Variants in TRPM3 observed in about 807,000 individuals in gnomAD.
TRPM3 encodes the protein transient receptor potential cation channel subfamily M member 3.
Under a neutral mutation model 181.2 loss-of-function variants are expected in TRPM3, and 77 were observed. The observed-to-expected ratio is 0.42, with a 90% CI of 0.35 to 0.51. The LOEUF (loss-of-function observed/expected upper bound fraction) is 0.51, where lower values mean the gene tolerates loss of function less well. Among genes scored for constraint, TRPM3 ranks in the 20% least tolerant of loss-of-function variants. The pLI is 0.01. For missense variants in TRPM3, 1,759 were observed against 2,196.7 expected, an observed-to-expected ratio of 0.80 and a Z score of 3.98; for synonymous variants, 745 against 796.4, an observed-to-expected ratio of 0.94 and a Z score of 1.09.
At chr9:70,892,757 ATACTT>A (rs1427701387) in intron 1 of TRPM3, among the ~76,000 whole-genome samples, 1 of 152,200 alleles carries the variant, frequency 6.6e-6, no homozygotes, top group Non-Finnish European at 1.5e-5. Flanking sequence ...TTCTCAATCA[ATACTT>A]TAATGTATGT....
At chr9:70,906,893 A>G (rs1247943676) in intron 1 of TRPM3, among the ~76,000 whole-genome samples, 1 of 152,176 alleles carries the variant, frequency 6.6e-6, no homozygotes, top group Non-Finnish European at 1.5e-5. Flanking sequence ...ACAAGAGTGA[A>G]ACTCCATCTA....
intron 1 of TRPM3, among the ~76,000 whole-genome samples, chr9:70,931,680 C>T (rs1337012): frequency 0.16 from 23,942 of 151,720 alleles, 2,707 homozygotes; most frequent in African/African-American, 0.32. Flanking sequence ...AGATATTTTC[C>T]CCAAATGACA....
chr9:71,131,432 C>T (rs937551877), intron 1 of TRPM3, among the ~76,000 whole-genome samples: 15 of 152,240 alleles, frequency 9.9e-5, no homozygotes, highest in Admixed American at 4.6e-4. Context: ...CCTTAATCTA[C>T]GAATGGAATG....
At chr9:71,354,176 C>T (rs529943418) in intron 1 of TRPM3, among the ~76,000 whole-genome samples, 1 of 152,324 alleles carries the variant, frequency 6.6e-6, no homozygotes, top group African/African-American at 2.4e-5. Flanking sequence ...ACTGTCAACC[C>T]TCACTCCCCA....
At chr9:71,373,828 G>T (rs1480203488) in intron 1 of TRPM3, among the ~76,000 whole-genome samples, 1 of 152,054 alleles carries the variant, frequency 6.6e-6, no homozygotes, top group Non-Finnish European at 1.5e-5. Context: ...CAACAAAAAA[G>T]CAAACTTCAG....
At chr9:70,853,144 T>A (rs1048550078) in intron 3 of TRPM3, among the ~76,000 whole-genome samples, 1 of 152,204 alleles carries the variant, frequency 6.6e-6, no homozygotes, top group Non-Finnish European at 1.5e-5. Flanking sequence ...TTGGCAATCA[T>A]GGGACTCTTC....
At chr9:70,893,722 G>A (rs901187872) in intron 1 of TRPM3, among the ~76,000 whole-genome samples, 5 of 152,104 alleles carry the variant, frequency 3.3e-5, no homozygotes, top group Admixed American at 6.5e-5. Context: ...AACACGTGGC[G>A]AGATTAAAGG....
chr9:71,412,451 C>T (rs1464487466), intron 1 of TRPM3, among the ~76,000 whole-genome samples: 2 of 152,090 alleles, frequency 1.3e-5, no homozygotes, highest in African/African-American at 4.8e-5. Context: ...GATATGAACA[C>T]ACACTTCTCA....
chr9:71,092,559 T>G (rs1565176916), intron 1 of TRPM3, among the ~76,000 whole-genome samples: 1 of 152,120 alleles, frequency 6.6e-6, no homozygotes, highest in Non-Finnish European at 1.5e-5. Flanking sequence ...AGGAAGGTAT[T>G]TACCAACAAT....
At chr9:70,755,879 G>A (rs1027656048) in intron 8 of TRPM3, among the ~76,000 whole-genome samples, 1 of 152,140 alleles carries the variant, frequency 6.6e-6, no homozygotes, top group African/African-American at 2.4e-5. Context: ...ATACCAAATT[G>A]TAAAGACCTA....
chr9:70,863,157 T>C (rs771760720), intron 2 of TRPM3, 45 bp from the exon 3 acceptor site: 5 of 1,559,208 alleles, frequency 3.2e-6, no homozygotes, highest in Middle Eastern at 3.6e-4. Flanking sequence ...TTAGTCACTA[T>C]TGGGATACAC....
At chr9:70,921,970 C>CAT (rs2096661568) in intron 1 of TRPM3, among the ~76,000 whole-genome samples, 1 of 151,694 alleles carries the variant, frequency 6.6e-6, no homozygotes, top group South Asian at 2.1e-4. Flanking sequence ...CACACACACA[C>CAT]ACACATATAG....
chr9:70,564,163 T>C (rs527771885), intron 22 of TRPM3, among the ~76,000 whole-genome samples: 1 of 152,310 alleles, frequency 6.6e-6, no homozygotes, highest in South Asian at 2.1e-4. Context: ...GCTTGCCTCA[T>C]CATCATCATT....
intron 1 of TRPM3, among the ~76,000 whole-genome samples, chr9:71,053,012 T>C (rs979542307): frequency 7.0e-6 from 1 of 142,160 alleles, no homozygotes; most frequent in African/African-American, 2.6e-5. Context: ...TGGATCTCAG[T>C]AACTCTTTTG....
At chr9:70,616,649 C>T (rs1288842366) in intron 17 of TRPM3, among the ~76,000 whole-genome samples, 1 of 151,084 alleles carries the variant, frequency 6.6e-6, no homozygotes, top group East Asian at 1.9e-4. Context: ...CATTTTAGGG[C>T]ATCTTCCTGG....
chr9:71,369,830 C>A (rs116006317), intron 1 of TRPM3, among the ~76,000 whole-genome samples: 1 of 152,190 alleles, frequency 6.6e-6, no homozygotes, highest in Admixed American at 6.5e-5. Flanking sequence ...ATGGACAATG[C>A]GCTTCTCACA....
At chr9:71,203,646 C>T (rs1161292852) in intron 1 of TRPM3, among the ~76,000 whole-genome samples, 2 of 152,080 alleles carry the variant, frequency 1.3e-5, no homozygotes, top group Non-Finnish European at 2.9e-5. Context: ...TCTGAATTTC[C>T]TCATCTATAA....
intron 1 of TRPM3, among the ~76,000 whole-genome samples, chr9:71,096,360 G>T (rs1018331905): frequency 2.1e-4 from 31 of 150,230 alleles, no homozygotes; most frequent in African/African-American, 6.9e-4. Flanking sequence ...AGGTAATCAT[G>T]TCCATGGTTA....
intron 1 of TRPM3, among the ~76,000 whole-genome samples, chr9:71,086,365 T>A (rs1023656442): frequency 2.0e-5 from 3 of 151,932 alleles, no homozygotes; most frequent in Non-Finnish European, 2.9e-5. Flanking sequence ...AGAATTTTTT[T>A]AAAAGATTCA....
Sources: gnomAD v4.1 joint callset for allele counts (sites outside exome capture counted in the v4.1 genomes callset) on GRCh38, gnomAD v4.1.1 for gene constraint, MANE v1.5 for transcripts, NCBI Gene and HGNC (gene_info 2026-07-23, HGNC 2026-07-21) for gene names.